The following TSHZ2 variants were observed in gnomAD, a reference collection of about 807,000 sequenced individuals.
TSHZ2 encodes teashirt zinc finger homeobox 2.
TSHZ2 carries 21 observed loss-of-function variants against 74.4 expected under a neutral mutation model. That is an observed-to-expected ratio of 0.28 (90% CI 0.20 to 0.41). The LOEUF is 0.41. Ranked by LOEUF, TSHZ2 falls within the 10% of genes least tolerant of loss-of-function variation. The pLI is 1.00. For synonymous variants in TSHZ2, 540 were observed against 515.3 expected, an observed-to-expected ratio of 1.05 and a Z score of -0.65; for missense variants, 1,244 against 1,293.5, an observed-to-expected ratio of 0.96 and a Z score of 0.59.
chr20:53,050,115 A>ATATATATATATATATATG (rs1984384688), intron 1 of TSHZ2, among the ~76,000 whole-genome samples: 1 of 95,120 alleles, frequency 1.1e-5, no homozygotes, highest in Admixed American at 9.7e-5. Flanking sequence ...ATATATATAT[A>ATATATATATATATATATG]TATATATATA....
Position 53,423,137 on chromosome 20 carries a change from G to A in TSHZ2, c.*9-64007G>A, listed in dbSNP as rs1053674125. 2.6e-5 allele frequency among the ~76,000 whole-genome samples: 4 copies of A among 152,180 alleles called. No homozygotes were observed. The East Asian group carries it at 7.7e-4, about 29-fold the overall frequency. ...ATTTGGGTTGGGCGCCGTGGCTTAT[G>A]GCTGTAATCCCAGCACTTTGGGAGG... On this transcript the variant is annotated intron_variant, in intron 2 of 2. Coordinates refer to ENST00000371497, the MANE Select transcript of TSHZ2 (RefSeq NM_173485.6).
intron 2 of TSHZ2, among the ~76,000 whole-genome samples, chr20:53,268,823 A>G (rs992107355): frequency 1.3e-5 from 2 of 152,316 alleles, no homozygotes; most frequent in Middle Eastern, 3.4e-3. Flanking sequence ...AATCTGAGCT[A>G]TTATTTTTAT....
chr20:53,447,571 T>G (rs1354313915), intron 2 of TSHZ2, among the ~76,000 whole-genome samples: 3 of 152,234 alleles, frequency 2.0e-5, no homozygotes, highest in African/African-American at 7.2e-5. Context: ...CCTTACGCTG[T>G]TTCAGGACCT....
intron 1 of TSHZ2, among the ~76,000 whole-genome samples, chr20:53,024,688 C>G (rs943498614): frequency 6.6e-6 from 1 of 152,068 alleles, no homozygotes; most frequent in Admixed American, 6.6e-5. Context: ...GATGTTCCCC[C>G]CACTGTGTCC....
intron 1 of TSHZ2, among the ~76,000 whole-genome samples, chr20:53,005,715 C>T (rs1480110699): frequency 6.6e-6 from 1 of 152,140 alleles, no homozygotes; most frequent in African/African-American, 2.4e-5. Flanking sequence ...TAGAACAAAC[C>T]TTTGTGTATA....
intron 1 of TSHZ2, among the ~76,000 whole-genome samples, chr20:53,240,098 G>C (rs1990030725): frequency 6.6e-6 from 1 of 152,132 alleles, no homozygotes; most frequent in South Asian, 2.1e-4. Context: ...TGGTTCTCCA[G>C]CCACCATTCC....
At chr20:53,182,281 T>TCCGTCCCTGCCTCCCTCCCTCTC (rs1988499280) in intron 1 of TSHZ2, among the ~76,000 whole-genome samples, 3 of 150,964 alleles carry the variant, frequency 2.0e-5, no homozygotes, top group African/African-American at 7.3e-5. Context: ...CCCTCCCTCC[T>TCCGTCCCTGCCTCCCTCCCTCTC]CCGTCCCTGC....
intron 2 of TSHZ2, among the ~76,000 whole-genome samples, chr20:53,266,973 T>C (rs1476641022): frequency 6.6e-6 from 1 of 152,160 alleles, no homozygotes; most frequent in African/African-American, 2.4e-5. Flanking sequence ...AGAAGGTGTT[T>C]CACCATGTTG....
intron 2 of TSHZ2, among the ~76,000 whole-genome samples, chr20:53,320,128 A>G (rs1190665416): frequency 6.6e-6 from 1 of 152,194 alleles, no homozygotes; most frequent in Admixed American, 6.5e-5. Flanking sequence ...TACGGTCATT[A>G]TCTTCATTGT....
intron 2 of TSHZ2, among the ~76,000 whole-genome samples, chr20:53,391,764 G>A (rs547968476): frequency 5.9e-5 from 9 of 152,308 alleles, no homozygotes; most frequent in Non-Finnish European, 1.2e-4. Context: ...CCAACATGGC[G>A]AAACCCTGTC....
chr20:53,304,743 T>C (rs1330465410), intron 2 of TSHZ2, among the ~76,000 whole-genome samples: 1 of 152,154 alleles, frequency 6.6e-6, no homozygotes, highest in Admixed American at 6.5e-5. Context: ...GTGATTCTCC[T>C]GCCTCAGCCT....
At chr20:53,354,784 T>C (rs1033163269) in intron 2 of TSHZ2, among the ~76,000 whole-genome samples, 4 of 152,248 alleles carry the variant, frequency 2.6e-5, no homozygotes, top group Non-Finnish European at 4.4e-5. Flanking sequence ...GAGTATCATG[T>C]ATGCATTCCC....
At chr20:53,224,974 CT>C (rs1056033057) in intron 1 of TSHZ2, among the ~76,000 whole-genome samples, 7 of 151,894 alleles carry the variant, frequency 4.6e-5, no homozygotes, top group African/African-American at 1.7e-4. Context: ...AGTCATCAAA[CT>C]TTTTCTGTAA....
At chr20:53,231,641 T>C (rs1989826406) in intron 1 of TSHZ2, among the ~76,000 whole-genome samples, 1 of 152,154 alleles carries the variant, frequency 6.6e-6, no homozygotes. Flanking sequence ...ATTTACTACG[T>C]GCCTGGAAGT....
At chr20:53,327,081 A>C (rs930372062) in intron 2 of TSHZ2, among the ~76,000 whole-genome samples, 1 of 152,258 alleles carries the variant, frequency 6.6e-6, no homozygotes, top group Non-Finnish European at 1.5e-5. Context: ...ATGAGGACAT[A>C]GATGAGAGTG....
chr20:53,235,135 GGC>G (rs1491378564), intron 1 of TSHZ2, among the ~76,000 whole-genome samples: 35 of 121,296 alleles, frequency 2.9e-4, no homozygotes, highest in Non-Finnish European at 4.3e-4. Context: ...TGTTGGGCGG[GGC>G]GGGGGGGGGG....
At chr20:53,440,969 C>G (rs943712432) in intron 2 of TSHZ2, among the ~76,000 whole-genome samples, 1 of 152,128 alleles carries the variant, frequency 6.6e-6, no homozygotes, top group East Asian at 1.9e-4. Flanking sequence ...TTGTCACAGA[C>G]TAACAAATAC....
At chr20:53,402,380 T>C (rs977789306) in intron 2 of TSHZ2, among the ~76,000 whole-genome samples, 5 of 152,144 alleles carry the variant, frequency 3.3e-5, no homozygotes, top group African/African-American at 7.2e-5. Context: ...GGTGTTGCAG[T>C]TGTGTATGGT....
At chr20:53,141,226 A>G (rs1291709771) in intron 1 of TSHZ2, among the ~76,000 whole-genome samples, 1 of 152,294 alleles carries the variant, frequency 6.6e-6, no homozygotes, top group Non-Finnish European at 1.5e-5. Context: ...AGCTCCAAGG[A>G]GCCACCCCAG....
Sources: gnomAD v4.1 joint callset for allele counts (sites outside exome capture counted in the v4.1 genomes callset) on GRCh38, gnomAD v4.1.1 for gene constraint, MANE v1.5 for transcripts, NCBI Gene and HGNC (gene_info 2026-07-23, HGNC 2026-07-21) for gene names.